Variants in ZNF462 observed in about 807,000 individuals in gnomAD.
ZNF462 encodes the protein zinc finger protein 462, also known as zinc finger PBX1-interacting protein.
ZNF462 carries 10 observed loss-of-function variants against 201.9 expected under a neutral mutation model. That is an observed-to-expected ratio of 0.05 (90% CI 0.03 to 0.08). ZNF462 has a LOEUF of 0.08. ZNF462 is among the 10% of genes least tolerant of loss of function. ZNF462 has a pLI of 1.00. For synonymous variants in ZNF462, 1,227 were observed against 1,193.3 expected, an observed-to-expected ratio of 1.03 and a Z score of -0.58; for missense variants, 2,523 against 3,168.3, an observed-to-expected ratio of 0.80 and a Z score of 4.89.
At chr9:106,934,330 G>T (rs890472165) in intron 5 of ZNF462, among the ~76,000 whole-genome samples, 1 of 152,058 alleles carries the variant, frequency 6.6e-6, no homozygotes, top group East Asian at 1.9e-4. Flanking sequence ...GGGGGCTGGG[G>T]GACAAGGAAT....
At position 106,978,133 on chromosome 9, in the gene ZNF462, A is replaced by C. The variant is rs1253190338; in HGVS notation, c.6832+3860A>C. Among the ~76,000 whole-genome samples, 2 of 151,356 alleles carry C rather than the reference A, an allele frequency of 1.3e-5. No individual in the cohort carries two copies. The highest frequency in any genetic ancestry group is 1.5e-5 in the Non-Finnish European group (1 of 68,012). ...AGTCATTGGGTTTAGGGCACACCCT[A>C]ATCTAGTCTGGCCTTAACTGATTGC... On this transcript the variant is annotated intron_variant, in intron 9 of 12. Coordinates refer to ENST00000277225, the MANE Select transcript of ZNF462 (RefSeq NM_021224.6). The surrounding 1 kb of genome is among the most constrained non-coding windows in gnomAD (Gnocchi z 4.1).
At chr9:106,882,449 T>C (rs1437481507) in intron 1 of ZNF462, among the ~76,000 whole-genome samples, 2 of 152,238 alleles carry the variant, frequency 1.3e-5, no homozygotes, top group Non-Finnish European at 2.9e-5. Context: ...ATTTATAGCA[T>C]TCAATTAAAA....
chr9:106,941,312 C>A (rs781488160), intron 7 of ZNF462, among the ~76,000 whole-genome samples: 1 of 152,128 alleles, frequency 6.6e-6, no homozygotes, highest in Non-Finnish European at 1.5e-5. Context: ...ATACTATTAG[C>A]GCTTACATTT....
chr9:106,904,883 G>T lies in ZNF462; in HGVS notation c.-30-18471G>T, dbSNP rs190083202. Among the ~76,000 whole-genome samples, 649 of 152,164 alleles carry T rather than the reference G, an allele frequency of 4.3e-3. 5 individuals are homozygous for T. Among genetic ancestry groups the T allele is most frequent in the African/African-American group, 0.015 (616 of 41,498 alleles). On this transcript the variant is annotated intron_variant, in intron 1 of 12. Coordinates refer to ENST00000277225, the MANE Select transcript of ZNF462 (RefSeq NM_021224.6). ...CCTTTCTCTGGTCTCGCCCTGATTA[G>T]CTTAATAACTAACCTCCTGAATTCT...
In ZNF462 at chr9:106,972,204, T is replaced by C; in HGVS notation, c.6627T>C (p.His2209=). ...GCTACATCCAGAGCATCAGGCGTCATTACCGGGACAAGCATGGTGGGAAGA... is the reference window on the plus strand; with the variant it reads ...GCTACATCCAGAGCATCAGGCGTCACTACCGGGACAAGCATGGTGGGAAGA... The part of the protein sequence containing the change: ...SSGYIQSIRR[H]YRDKHGGKKL... The change falls in exon 8 of 13, where the codon CAT becomes CAC. Residue 2209 remains histidine (H), a synonymous_variant. Transcript: ENST00000277225. The surrounding 1 kb of genome is among the most constrained non-coding windows in gnomAD (Gnocchi z 4.8). 1 of 1,614,210 alleles carries C rather than the reference T, an allele frequency of 6.2e-7. No homozygotes were observed. The highest frequency in any genetic ancestry group is 8.5e-7 in the Non-Finnish European group (1 of 1,180,036).
chr9:106,939,079 C>A lies in ZNF462; in HGVS notation c.6399C>A (p.Thr2133=). 1.2e-6 allele frequency: 2 copies of A among 1,610,122 alleles called. No homozygotes were observed. Among genetic ancestry groups the A allele is most frequent in the East Asian group, 4.5e-5 (2 of 44,708 alleles). The change falls in exon 7 of 13, where the codon ACC becomes ACA. Residue 2133 remains threonine (T), a synonymous_variant. Coordinates refer to ENST00000277225, the MANE Select transcript of ZNF462 (RefSeq NM_021224.6). ...SHSHHSSQKA[T]PAEEVEDSND... ...CCCACCACTCCTCCCAAAAAGCTAC[C>A]CCGGCTGAAGAAGTGGAAGACTCCA...
intron 8 of ZNF462, among the ~76,000 whole-genome samples, 186 bp from the exon 9 acceptor site, chr9:106,973,951 G>A (rs994219200): frequency 3.3e-5 from 5 of 152,040 alleles, no homozygotes; most frequent in African/African-American, 1.2e-4. Context: ...CCATTTGACA[G>A]TGTTCAGATT....
intron 10 of ZNF462, among the ~76,000 whole-genome samples, chr9:106,990,357 A>G (rs1237513467): frequency 6.6e-6 from 1 of 152,064 alleles, no homozygotes; most frequent in Non-Finnish European, 1.5e-5. Context: ...ACCTTGGAGA[A>G]AGTTCCCTGC....
Position 106,924,969 on chromosome 9 carries a change from A to T in ZNF462, c.1057A>T (p.Asn353Tyr). The T allele has an allele frequency of 6.2e-7, 1 of 1,614,188 alleles. No homozygotes were observed. The highest frequency in any genetic ancestry group is 8.5e-7 in the Non-Finnish European group (1 of 1,180,026). The stretch of plus-strand genomic sequence containing the variant: ...TCAGATGAAGCCGAAGTCACCTCAC[A>T]ATTCTGGTCTAGTTAACTTGACAGA... ...YPQMKPKSPHNSGLVNLTERS... is the reference protein window; with the variant it reads ...YPQMKPKSPHYSGLVNLTERS... Residue 353 changes from asparagine (N) to tyrosine (Y), a missense_variant, in exon 3 of 13, where the codon AAT (asparagine) becomes TAT (tyrosine). Around this residue, in one of 15 missense-constraint regions of ZNF462, gnomAD observed 480 missense variants for 544.4 expected, o/e 0.88. Transcript: ENST00000277225. This position sits in a 1 kb window ranked among gnomAD's most constrained non-coding sequence, Gnocchi z 6.2.
At chr9:106,862,057 G>A (rs1173829700), upstream of ZNF462, among the ~76,000 whole-genome samples, 1 of 152,066 alleles carries the variant, frequency 6.6e-6, no homozygotes, top group Non-Finnish European at 1.5e-5. The surrounding 1 kb of genome is among the most constrained non-coding windows in gnomAD (Gnocchi z 4.2). Context: ...GGAATGATGG[G>A]CTCTTTTCCT....
At chr9:106,980,650 C>T (rs574356131) in intron 9 of ZNF462, among the ~76,000 whole-genome samples, 1 of 152,204 alleles carries the variant, frequency 6.6e-6, no homozygotes, top group African/African-American at 2.4e-5. Flanking sequence ...ACATTACTCT[C>T]GGGCCCAACC....
rs1330215861 is a variant in ZNF462 at position 106,895,474 on chromosome 9, C to T, written c.-30-27880C>T. Among the ~76,000 whole-genome samples the T allele has an allele frequency of 6.6e-6, 1 of 152,166 alleles. No individual in the cohort carries two copies. The highest frequency in any genetic ancestry group is 1.9e-4 in the East Asian group (1 of 5,190). ...GCCTGTTTCCCACCATCCTCTTCAC[C>T]TCTAGGAGTCCCTCATGATGCTAGC... is the stretch of plus-strand genomic sequence containing the variant. On this transcript the variant is annotated intron_variant, in intron 1 of 12. Transcript: ENST00000277225. The surrounding 1 kb of genome is among the most constrained non-coding windows in gnomAD (Gnocchi z 4.4).
In ZNF462 at chr9:106,895,238, A is replaced by C. The variant is rs1024294514; in HGVS notation, c.-30-28116A>C. On this transcript the variant is annotated intron_variant, in intron 1 of 12. Transcript: ENST00000277225. This position sits in a 1 kb window ranked among gnomAD's most constrained non-coding sequence, Gnocchi z 4.4. ...ACTGTTCTTGACATATGTTAGAAAA[A>C]ATTGAGCTTAGACCACAGCTCATTA... Among the ~76,000 whole-genome samples, 8 of 152,220 alleles carry C rather than the reference A, an allele frequency of 5.3e-5. No individual in the cohort carries two copies. The highest frequency in any genetic ancestry group is 5.2e-4 in the Admixed American group (8 of 15,282).
chr9:106,943,735 T>G (rs1830986978), intron 7 of ZNF462, among the ~76,000 whole-genome samples: 2 of 152,200 alleles, frequency 1.3e-5, no homozygotes, highest in Admixed American at 6.5e-5. Context: ...AGGTAAGTAC[T>G]TATTAAATAC....
Position 106,920,723 on chromosome 9 carries a change from T to G in ZNF462, c.-30-2631T>G, listed in dbSNP as rs1294681252. ...TGTCCAGTGAAGTTAGCATCCTTGA[T>G]AATAGCTTCAGAAGACACCAAGATA... On this transcript the variant is annotated intron_variant, in intron 1 of 12. Transcript: ENST00000277225. The surrounding 1 kb of genome is among the most constrained non-coding windows in gnomAD (Gnocchi z 4.3). 6.6e-6 allele frequency among the ~76,000 whole-genome samples: 1 copy of G among 152,210 alleles called. No individual in the cohort carries two copies. Among genetic ancestry groups the G allele is most frequent in the East Asian group, 1.9e-4 (1 of 5,198 alleles).
rs1481811035 is a variant in ZNF462, at chr9:106,938,846, T to C, written c.6236-70T>C. ...AGCATGAGTTAACTGAGTTATCTTGTTTCCACCCTGGCCTTATACCCTTCT... is the reference window on the plus strand; with the variant it reads ...AGCATGAGTTAACTGAGTTATCTTGCTTCCACCCTGGCCTTATACCCTTCT... On this transcript the variant is annotated intron_variant, in intron 6 of 12. Coordinates refer to ENST00000277225, the MANE Select transcript of ZNF462 (RefSeq NM_021224.6). This position sits in a 1 kb window ranked among gnomAD's most constrained non-coding sequence, Gnocchi z 4.4. 5 of 1,464,634 alleles carry C rather than the reference T, an allele frequency of 3.4e-6. No homozygotes were observed. Among genetic ancestry groups the C allele is most frequent in the Non-Finnish European group, 4.6e-6 (5 of 1,090,006 alleles). 90.7% of individuals were successfully genotyped at this position (1,464,634 alleles called of 1,614,324 possible).
At chr9:106,863,026 A>C, upstream of ZNF462, 1 of 388,940 alleles carries the variant, frequency 2.6e-6, no homozygotes. Flanking sequence ...GGAGGGAGAG[A>C]GAGAGAGCGC....
intron 1 of ZNF462, among the ~76,000 whole-genome samples, chr9:106,879,332 A>ACCCCCCCCCC (rs796290122): frequency 4.5e-4 from 32 of 70,630 alleles, no homozygotes; most frequent in African/African-American, 6.7e-4. Context: ...GATGCTTTCC[A>ACCCCCCCCCC]CCCCCCCCCC....
At position 106,925,829 on chromosome 9, in the gene ZNF462, A is replaced by T. The variant is rs1385166025; in HGVS notation, c.1917A>T (p.Leu639=). 1.4e-5 allele frequency: 22 copies of T among 1,614,056 alleles called. No individual in the cohort carries two copies. Among genetic ancestry groups the T allele is most frequent in the Non-Finnish European group, 1.6e-5 (19 of 1,180,046 alleles). Residue 639 remains leucine (L), a synonymous_variant, in exon 3 of 13, where the codon CTA becomes CTT. Coordinates refer to ENST00000277225, the MANE Select transcript of ZNF462 (RefSeq NM_021224.6). This position sits in a 1 kb window ranked among gnomAD's most constrained non-coding sequence, Gnocchi z 7.9. The stretch of plus-strand genomic sequence containing the variant: ...AATTCGAGGGGCAGCCCTCAAGCCT[A>T]CCATTGGAAAATGAGACAGACAGCC... The part of the protein sequence containing the change: ...LPKFEGQPSS[L]PLENETDSHP...
Sources: allele counts gnomAD v4.1 joint callset (sites outside exome capture counted in the v4.1 genomes callset), GRCh38; gene constraint gnomAD v4.1.1; regional missense constraint gnomAD v4.1.1; non-coding constraint Gnocchi (gnomAD v3.1); transcripts MANE v1.5; gene names NCBI Gene and HGNC (gene_info 2026-07-23, HGNC 2026-07-21).